DSCAM: variants seen among roughly 807,000 people sequenced by gnomAD.
DSCAM encodes the protein DS cell adhesion molecule, also known as cell adhesion molecule DSCAM.
In DSCAM, 47 loss-of-function variants were observed where a neutral mutation model predicts 217.7. The ratio of observed to expected loss-of-function variants is 0.22; its 90% confidence interval spans 0.17 to 0.28. The LOEUF is 0.28. Among genes scored for constraint, DSCAM ranks in the 10% least tolerant of loss-of-function variants. The pLI is 1.00. For synonymous variants in DSCAM, 1,056 were observed against 1,015.3 expected (o/e 1.04, Z -0.76); for missense variants, 2,080 against 2,618.3 (o/e 0.79, Z 4.49).
intron 3 of DSCAM, among the ~76,000 whole-genome samples, chr21:40,562,734 A>G (rs970767642): frequency 4.6e-5 from 7 of 152,316 alleles, no homozygotes; most frequent in African/African-American, 1.7e-4. Context: ...TGGGAAAGCC[A>G]AAGCCCTGTA....
rs376095726 is a variant in DSCAM at position 40,242,696 on chromosome 21, C to A, written c.2356+33401G>T. Among the ~76,000 whole-genome samples the A allele has an allele frequency of 9.2e-5, 14 of 152,338 alleles. No homozygotes were observed. The South Asian group carries it at 2.9e-3, about 32-fold the overall frequency. On this transcript the variant is annotated intron_variant, in intron 11 of 32. Transcript: ENST00000400454. ...CTCTTATTGACACTGTGACATGCAA[C>A]TTTGAAATGGTGCTTGTTTTGTCAG...
chr21:40,081,786 G>T (rs527663428), intron 24 of DSCAM, among the ~76,000 whole-genome samples: 1 of 152,278 alleles, frequency 6.6e-6, no homozygotes, highest in Non-Finnish European at 1.5e-5. Flanking sequence ...GACACCTCCT[G>T]ATGATGGCAA....
chr21:40,344,202 T>A (rs1467387100), intron 6 of DSCAM, among the ~76,000 whole-genome samples: 1 of 152,192 alleles, frequency 6.6e-6, no homozygotes, highest in East Asian at 1.9e-4. Context: ...CATGGCCAAG[T>A]GTGGTAATTT....
intron 11 of DSCAM, among the ~76,000 whole-genome samples, chr21:40,224,257 A>G (rs1260436813): frequency 6.6e-6 from 1 of 152,210 alleles, no homozygotes; most frequent in Non-Finnish European, 1.5e-5. Flanking sequence ...ACACTATTTC[A>G]AACAAGATCT....
chr21:40,727,713 T>C (rs2090971031), intron 1 of DSCAM, among the ~76,000 whole-genome samples: 1 of 152,142 alleles, frequency 6.6e-6, no homozygotes, highest in South Asian at 2.1e-4. Flanking sequence ...CTCTCATCCA[T>C]CAGCTCCATC....
intron 32 of DSCAM, among the ~76,000 whole-genome samples, chr21:40,017,763 G>A (rs1377065163): frequency 4.6e-5 from 7 of 152,148 alleles, no homozygotes; most frequent in African/African-American, 1.4e-4. Flanking sequence ...TGTTGGTCAG[G>A]CTGGTCTCAT....
At chr21:40,508,929 G>A (rs775175953) in intron 3 of DSCAM, among the ~76,000 whole-genome samples, 24 of 150,174 alleles carry the variant, frequency 1.6e-4, no homozygotes, top group South Asian at 6.3e-4. Flanking sequence ...GAGCCATTGT[G>A]TCCAGCCAGA....
chr21:40,601,973 T>C (rs765027844), intron 3 of DSCAM, among the ~76,000 whole-genome samples: 8 of 152,114 alleles, frequency 5.3e-5, no homozygotes, highest in Non-Finnish European at 1.2e-4. Context: ...TGTAGTTTTC[T>C]TGTGATGTCT....
intron 3 of DSCAM, among the ~76,000 whole-genome samples, chr21:40,374,593 T>C (rs1484489663): frequency 1.3e-5 from 2 of 152,218 alleles, no homozygotes; most frequent in Non-Finnish European, 2.9e-5. Context: ...AGTGAAAGGC[T>C]TGGGGAAAGG....
chr21:40,217,971 T>C (rs756202370), intron 11 of DSCAM, among the ~76,000 whole-genome samples: 3 of 152,204 alleles, frequency 2.0e-5, no homozygotes. Context: ...CTGTTGATCA[T>C]TTCTTTTGCT....
intron 30 of DSCAM, among the ~76,000 whole-genome samples, chr21:40,044,909 T>C (rs1057312225): frequency 6.6e-6 from 1 of 152,244 alleles, no homozygotes; most frequent in Non-Finnish European, 1.5e-5. Flanking sequence ...AAAGACATGT[T>C]CATGTCCTAA....
chr21:40,343,207 T>C (rs11701449), intron 6 of DSCAM, among the ~76,000 whole-genome samples: 12,723 of 152,224 alleles, frequency 0.084, 1,202 homozygotes, highest in African/African-American at 0.23. Flanking sequence ...TATTGTTTTC[T>C]TGGCATATTC....
intron 3 of DSCAM, among the ~76,000 whole-genome samples, chr21:40,578,750 C>A (rs1416232830): frequency 6.6e-6 from 1 of 152,064 alleles, no homozygotes; most frequent in Non-Finnish European, 1.5e-5. Context: ...GAACAAGAAC[C>A]CATAGGAAGG....
intron 3 of DSCAM, among the ~76,000 whole-genome samples, chr21:40,460,772 CAG>C (rs2055704924): frequency 6.6e-6 from 1 of 152,094 alleles, no homozygotes. Flanking sequence ...TCTCAACTGT[CAG>C]AACGGCAGAA....
intron 3 of DSCAM, among the ~76,000 whole-genome samples, chr21:40,645,244 A>G (rs2089931749): frequency 6.6e-6 from 1 of 152,262 alleles, no homozygotes; most frequent in Non-Finnish European, 1.5e-5. Context: ...GAGCATAGAA[A>G]TAACAATCAG....
At chr21:40,237,630 T>C (rs974304117) in intron 11 of DSCAM, among the ~76,000 whole-genome samples, 5 of 152,250 alleles carry the variant, frequency 3.3e-5, no homozygotes, top group African/African-American at 1.2e-4. Flanking sequence ...GGCATTTGGG[T>C]TGGTTCCAAG....
At chr21:40,632,774 C>T (rs926687371) in intron 3 of DSCAM, among the ~76,000 whole-genome samples, 1 of 152,176 alleles carries the variant, frequency 6.6e-6, no homozygotes, top group African/African-American at 2.4e-5. Flanking sequence ...AAGACCACTA[C>T]ACTTAACTGT....
intron 1 of DSCAM, among the ~76,000 whole-genome samples, chr21:40,766,310 T>G (rs1338899211): frequency 6.6e-6 from 1 of 151,998 alleles, no homozygotes; most frequent in African/African-American, 2.4e-5. Flanking sequence ...CCTTTCAATT[T>G]TATATGTATT....
chr21:40,242,536 G>A (rs2146944734), intron 11 of DSCAM, among the ~76,000 whole-genome samples: 1 of 152,350 alleles, frequency 6.6e-6, no homozygotes, highest in African/African-American at 2.4e-5. Flanking sequence ...GTGAGCAGAA[G>A]TACTACATGA....
Sources: gnomAD v4.1 joint callset for allele counts (sites outside exome capture counted in the v4.1 genomes callset) on GRCh38, gnomAD v4.1.1 for gene constraint, MANE v1.5 for transcripts, NCBI Gene and HGNC (gene_info 2026-07-23, HGNC 2026-07-21) for gene names.